PCDHA1: variants seen among roughly 807,000 people sequenced by gnomAD.
The protein encoded by PCDHA1 is protocadherin alpha-1.
In PCDHA1, 42 loss-of-function variants were observed where a neutral mutation model predicts 61.3. The ratio of observed to expected loss-of-function variants is 0.69; its 90% CI spans 0.54 to 0.89. The LOEUF (loss-of-function observed/expected upper bound fraction) is 0.89. PCDHA1 is among the 40% of genes least tolerant of loss of function. PCDHA1 has a pLI of 0.00. For synonymous variants in PCDHA1, 610 were observed against 553.8 expected (o/e 1.10, Z -1.43); for missense variants, 1,256 against 1,235.3 (o/e 1.02, Z -0.25).
chr5:140,809,274 T>C (rs1764413420), intron 1 of PCDHA1: 4 of 1,614,112 alleles, frequency 2.5e-6, no homozygotes, highest in Non-Finnish European at 3.4e-6. Flanking sequence ...CTGGTGGATG[T>C]CAACGTATAC....
At chr5:140,917,245 G>A (rs2077971406) in intron 1 of PCDHA1, among the ~76,000 whole-genome samples, 1 of 149,588 alleles carries the variant, frequency 6.7e-6, no homozygotes, top group Non-Finnish European at 1.5e-5. Context: ...TAGGTACTAC[G>A]ATTGCTCACC....
chr5:140,940,756 T>A (rs782132428), intron 1 of PCDHA1, among the ~76,000 whole-genome samples: 23 of 152,246 alleles, frequency 1.5e-4, no homozygotes, highest in Non-Finnish European at 2.8e-4. Context: ...GTGTGCCAAC[T>A]TTTATTTGAC....
intron 1 of PCDHA1, chr5:140,823,109 C>T (rs1197473169): frequency 6.2e-7 from 1 of 1,614,038 alleles, no homozygotes. Context: ...GTGGAAGTGG[C>T]CGACGTGAAC....
intron 1 of PCDHA1, among the ~76,000 whole-genome samples, chr5:140,898,095 T>C (rs1196262591): frequency 7.9e-5 from 12 of 152,170 alleles, no homozygotes; most frequent in Non-Finnish European, 1.6e-4. Flanking sequence ...ATTAGCCCTT[T>C]GTCAGATGAG....
At chr5:140,795,798 G>A (rs782795009) in intron 1 of PCDHA1, 2 of 1,613,580 alleles carry the variant, frequency 1.2e-6, no homozygotes, top group East Asian at 2.2e-5. Flanking sequence ...GCGAGATTGT[G>A]TATTCACTCG....
At chr5:140,801,985 C>T (rs994082843) in intron 1 of PCDHA1, 20 of 1,614,050 alleles carry the variant, frequency 1.2e-5, no homozygotes, top group Admixed American at 6.7e-5. Flanking sequence ...CTAGTGGTGA[C>T]CGTTAACGCC....
At chr5:140,828,649 TG>T in intron 1 of PCDHA1, 1 of 1,614,100 alleles carries the variant, frequency 6.2e-7, no homozygotes, top group Non-Finnish European at 8.5e-7. Context: ...AAATAAACAG[TG>T]ATGACAATAA....
At chr5:140,990,778 T>C (rs2097414170) in intron 3 of PCDHA1, among the ~76,000 whole-genome samples, 1 of 152,208 alleles carries the variant, frequency 6.6e-6, no homozygotes, top group South Asian at 2.1e-4. Flanking sequence ...GGCTCTGTGT[T>C]GGACGATGAA....
Position 140,870,844 on chromosome 5 carries a change from C to T in PCDHA1, c.2394+82160C>T. The T allele has an allele frequency of 3.1e-6, 5 of 1,613,832 alleles. No homozygotes were observed. The highest frequency in any genetic ancestry group is 4.2e-6 in the Non-Finnish European group (5 of 1,179,882). ...GGGAGGCGCAGTTAACAAGCTAGTA[C>T]CGCGGTCGGTGGGTGCGGGCCACGT... On this transcript the variant is annotated intron_variant, in intron 1 of 3. Transcript: ENST00000504120.
intron 1 of PCDHA1, among the ~76,000 whole-genome samples, chr5:140,920,841 T>TAAAAAAAAA (rs781921146): frequency 9.2e-6 from 1 of 109,226 alleles, no homozygotes; most frequent in Non-Finnish European, 1.9e-5. Context: ...AGACCAAATC[T>TAAAAAAAAA]AAAAAAAAAA....
Position 140,842,897 on chromosome 5 carries a change from G to A in PCDHA1, c.2394+54213G>A. On this transcript the variant is annotated intron_variant, in intron 1 of 3. Transcript: ENST00000504120. ...GTACGCGCTGCAGCCGCTGGACCAC[G>A]AGGAGCTAGAGCTGCTGCAGTTCCA... The A allele has an allele frequency of 1.3e-6, 2 of 1,594,388 alleles. No homozygotes were observed. Among genetic ancestry groups the A allele is most frequent in the Non-Finnish European group, 1.7e-6 (2 of 1,165,484 alleles).
intron 3 of PCDHA1, 115 bp downstream of exon 3, chr5:140,982,678 C>G: frequency 6.9e-7 from 1 of 1,438,900 alleles, no homozygotes; most frequent in East Asian, 2.5e-5. Context: ...TTTGTTATTC[C>G]CTTTTTTCCA....
chr5:140,861,098 T>C (rs1334214171), intron 1 of PCDHA1: 1 of 152,426 alleles, frequency 6.6e-6, no homozygotes, highest in Non-Finnish European at 1.5e-5. Context: ...ATTGTTCCTG[T>C]ACTTTAAAAA....
chr5:140,856,424 AACG>A, intron 1 of PCDHA1: 1 of 1,598,418 alleles, frequency 6.3e-7, no homozygotes, highest in Non-Finnish European at 8.6e-7. Context: ...GAAGGACATT[AACG>A]ACAACCCGCC....
intron 1 of PCDHA1, among the ~76,000 whole-genome samples, chr5:140,890,478 G>A (rs1358799219): frequency 1.3e-5 from 2 of 151,984 alleles, no homozygotes; most frequent in Non-Finnish European, 2.9e-5. Flanking sequence ...TTTTTTGTGC[G>A]TTATTTTTGT....
At chr5:140,941,743 C>G (rs2093156279) in intron 1 of PCDHA1, among the ~76,000 whole-genome samples, 1 of 152,172 alleles carries the variant, frequency 6.6e-6, no homozygotes, top group Admixed American at 6.5e-5. Context: ...ATTATCTTAT[C>G]AGATTTTCAG....
chr5:140,801,356 G>T (rs201478898), intron 1 of PCDHA1: 2 of 1,613,398 alleles, frequency 1.2e-6, no homozygotes, highest in Admixed American at 1.7e-5. Flanking sequence ...AGGACCTGGG[G>T]CTGGAGCTGG....
rs1554117319 is a variant in PCDHA1, at chr5:140,786,274, G to T, written c.-17G>T. ...TGAAGTAAGAGGAGAGCATAAGAAA[G>T]GTGTAGTCCTTTTGCAATGGTGTTT... On this transcript the variant is annotated 5_prime_UTR_variant, in exon 1 of 4. The change creates a new upstream start codon in the 5' untranslated region. Coordinates refer to ENST00000504120, the MANE Select transcript of PCDHA1 (RefSeq NM_018900.4). The T allele has an allele frequency of 8.3e-6, 13 of 1,573,388 alleles. No individual in the cohort carries two copies. The highest frequency in any genetic ancestry group is 1.1e-5 in the Non-Finnish European group (13 of 1,162,096).
chr5:140,905,396 C>T (rs913640299), intron 1 of PCDHA1, among the ~76,000 whole-genome samples: 1 of 152,080 alleles, frequency 6.6e-6, no homozygotes, highest in Non-Finnish European at 1.5e-5. Flanking sequence ...GGTCTGTGTG[C>T]CTATTTTTAT....
Sources: allele counts gnomAD v4.1 joint callset (sites outside exome capture counted in the v4.1 genomes callset), GRCh38; gene constraint gnomAD v4.1.1; transcripts MANE v1.5; gene names NCBI Gene and HGNC (gene_info 2026-07-23, HGNC 2026-07-21).